DHRSX: variants seen among roughly 807,000 people sequenced by gnomAD.
The protein encoded by DHRSX is polyprenol dehydrogenase.
Under a neutral mutation model 34.0 loss-of-function variants are expected in DHRSX, and 31 were observed. The ratio of observed to expected loss-of-function variants is 0.91; its 90% CI spans 0.69 to 1.23. The LOEUF is 1.23. Ranked by LOEUF, DHRSX falls within the 50% of genes most tolerant of loss-of-function variation. The pLI, the probability that DHRSX is intolerant of heterozygous loss-of-function variation, is 0.00. For missense variants in DHRSX, 414 were observed against 428.1 expected (o/e 0.97, Z 0.29); for synonymous variants, 201 against 183.8 (o/e 1.09, Z -0.76).
chrX:2,425,083 T>A, intron 2 of DHRSX, 114 bp downstream of exon 2: 1 of 774,036 alleles, frequency 1.3e-6, no homozygotes. Flanking sequence ...GAGGCTGCAG[T>A]GAGCCAAGAT....
chrX:2,270,577 G>A (rs2041537280), intron 4 of DHRSX, among the ~76,000 whole-genome samples: 1 of 152,164 alleles, frequency 6.6e-6, no homozygotes, highest in African/African-American at 2.4e-5. Context: ...GGCTCTACAC[G>A]TCCCTGGCCC....
chrX:2,243,118 C>A lies in DHRSX; in HGVS notation c.709G>T (p.Val237Leu). Residue 237 changes from valine to leucine, a missense_variant, in exon 6 of 7, where the codon GTG (valine) becomes TTG (leucine). By Grantham distance (32) the Val-to-Leu change is conservative. Coordinates refer to ENST00000334651, the MANE Select transcript of DHRSX (RefSeq NM_145177.3). ...GTGTTGACCACCCCGGGGTCCACCA[C>A]GTTGGCGGTCACGTGGCTTCCCTCA... The part of the protein sequence containing the change: ...AAEGSHVTAN[V>L]VDPGVVNTDV... The A allele has an allele frequency of 6.2e-7, 1 of 1,613,924 alleles. No individual in the cohort carries two copies. The highest frequency in any genetic ancestry group is 8.5e-7 in the Non-Finnish European group (1 of 1,179,866).
intron 5 of DHRSX, among the ~76,000 whole-genome samples, chrX:2,244,702 T>A (rs1297529418): frequency 1.3e-5 from 2 of 150,670 alleles, no homozygotes; most frequent in African/African-American, 4.9e-5. Context: ...TATATATTTT[T>A]AAATTTTATT....
At position 2,408,701 on chromosome X, in the gene DHRSX, GAA is replaced by G. The variant is rs112731156; in HGVS notation, c.286+42_286+43del. The G allele has an allele frequency of 2.1e-5, 28 of 1,342,884 alleles. 2 individuals carry two copies. In the South Asian group the frequency reaches 3.3e-4, roughly 16 times the overall value. The allele number at this position is 1,342,884 out of a possible 1,614,324, so 83.2% of individuals were successfully genotyped here. A position where few individuals can be genotyped will look rare whatever the true frequency, so the allele number is the denominator to read the frequency against. On this transcript the variant is annotated intron_variant, in intron 3 of 6. Transcript: ENST00000334651. The stretch of plus-strand genomic sequence containing the variant: ...AACCACGCAAACGACCTGTCCCAAG[GAA>G]AAAAAAAAACAAAAAAAAGCCATTG...
intron 2 of DHRSX, among the ~76,000 whole-genome samples, chrX:2,416,545 T>G (rs975028096): frequency 1.3e-5 from 2 of 152,202 alleles, no homozygotes; most frequent in African/African-American, 4.8e-5. Context: ...TTTTAAGTAT[T>G]ACCTATGGGT....
intron 3 of DHRSX, among the ~76,000 whole-genome samples, chrX:2,307,207 A>C (rs1272558449): frequency 1.3e-5 from 2 of 152,204 alleles, no homozygotes; most frequent in African/African-American, 2.4e-5. Context: ...GAATTAACAC[A>C]GAAACGGAAA....
At chrX:2,306,857 G>T (rs776244185) in intron 3 of DHRSX, among the ~76,000 whole-genome samples, 7 of 151,388 alleles carry the variant, frequency 4.6e-5, no homozygotes, top group Admixed American at 4.6e-4. Flanking sequence ...AATCGTTTCA[G>T]TCAGATTGGA....
chrX:2,384,097 T>C (rs962019536), intron 3 of DHRSX, among the ~76,000 whole-genome samples: 1 of 152,104 alleles, frequency 6.6e-6, no homozygotes, highest in Non-Finnish European at 1.5e-5. Flanking sequence ...TGACCTGCTG[T>C]AGGGAGTGAT....
intron 1 of DHRSX, among the ~76,000 whole-genome samples, chrX:2,499,406 A>T (rs1345082516): frequency 6.6e-6 from 1 of 150,976 alleles, no homozygotes; most frequent in African/African-American, 2.4e-5. Context: ...AGTATCATTT[A>T]ACCTAACATG....
At chrX:2,412,244 G>C (rs1170574939) in intron 2 of DHRSX, among the ~76,000 whole-genome samples, 1 of 152,146 alleles carries the variant, frequency 6.6e-6, no homozygotes, top group Non-Finnish European at 1.5e-5. Context: ...ATGGAAATTG[G>C]TATAGCCATT....
chrX:2,379,611 T>G lies in DHRSX; in HGVS notation c.286+29134A>C, dbSNP rs568525721. 8.9e-3 allele frequency among the ~76,000 whole-genome samples: 1,330 copies of G among 150,106 alleles called. 38 individuals are homozygous for G. The East Asian group carries it at 0.09, about 10-fold the overall frequency. On this transcript the variant is annotated intron_variant, in intron 3 of 6. Transcript: ENST00000334651. ...GCAGTGGAGGTTTTTTTTTTTTTTTTTTTTTTTTAATGATGCTGCTGTTTC... is the reference window on the plus strand; with the variant it reads ...GCAGTGGAGGTTTTTTTTTTTTTTTGTTTTTTTTAATGATGCTGCTGTTTC...
chrX:2,382,612 TCATCACCAC>T (rs2043217839), intron 3 of DHRSX, among the ~76,000 whole-genome samples: 1 of 50,148 alleles, frequency 2.0e-5, no homozygotes, highest in African/African-American at 7.2e-5. Flanking sequence ...ACCATCACCA[TCATCACCAC>T]CATCATCACC....
At chrX:2,399,418 A>C (rs1192900328) in intron 3 of DHRSX, among the ~76,000 whole-genome samples, 2 of 151,714 alleles carry the variant, frequency 1.3e-5, no homozygotes, top group Non-Finnish European at 2.9e-5. Context: ...AAAAAAAAAA[A>C]AACACAGGCC....
rs181648157 is a variant in DHRSX, at chrX:2,253,128, C to T, written c.597-9898G>A. Among the ~76,000 whole-genome samples the T allele has an allele frequency of 1.9e-3, 288 of 152,352 alleles. 2 individuals carry two copies. The highest frequency in any genetic ancestry group is 6.7e-3 in the African/African-American group (280 of 41,594). On this transcript the variant is annotated intron_variant, in intron 5 of 6. Coordinates refer to ENST00000334651, the MANE Select transcript of DHRSX (RefSeq NM_145177.3). ...ATTTGAGCCTGGGAGGCGCACATGG[C>T]AGCAAGCCAAGATAGCGTCACTGCA...
rs1274133169 is a variant in DHRSX, at chrX:2,220,368, T to C, written c.*673A>G. The C allele has an allele frequency of 6.6e-6, 1 of 152,196 alleles. No individual in the cohort carries two copies. Among genetic ancestry groups the C allele is most frequent in the Non-Finnish European group, 1.5e-5 (1 of 68,058 alleles). The allele number at this position is 152,196 out of a possible 1,614,324, so 9.4% of individuals were successfully genotyped here. A position where few individuals can be genotyped will look rare whatever the true frequency, so the allele number is the denominator to read the frequency against. ...AAAGATTCTTTTCCAAATAAAGTAA[T>C]ATTTATAGGTTCTGAGGGTTAGGGC... On this transcript the variant is annotated 3_prime_UTR_variant, in exon 7 of 7. Coordinates refer to ENST00000334651, the MANE Select transcript of DHRSX (RefSeq NM_145177.3).
chrX:2,402,173 C>A (rs923550586), intron 3 of DHRSX, among the ~76,000 whole-genome samples: 15 of 152,184 alleles, frequency 9.9e-5, no homozygotes, highest in Non-Finnish European at 1.8e-4. Flanking sequence ...GGAGTCAGGA[C>A]GTGAGCCGAC....
chrX:2,270,292 A>G (rs900379937), intron 4 of DHRSX, among the ~76,000 whole-genome samples: 3 of 152,156 alleles, frequency 2.0e-5, no homozygotes, highest in African/African-American at 4.8e-5. Flanking sequence ...CCAAAGAACC[A>G]AGCAGGAGCC....
chrX:2,307,356 G>C (rs1403080018), intron 3 of DHRSX, among the ~76,000 whole-genome samples: 1 of 152,088 alleles, frequency 6.6e-6, no homozygotes, highest in East Asian at 1.9e-4. Flanking sequence ...CTACCTATGA[G>C]GTATTTTGTT....
chrX:2,240,985 AC>A (rs2016129036), intron 6 of DHRSX, among the ~76,000 whole-genome samples: 1 of 152,162 alleles, frequency 6.6e-6, no homozygotes, highest in East Asian at 1.9e-4. Flanking sequence ...GGAGTTCGAG[AC>A]CAGCTTGGCC....
Sources: gnomAD v4.1 joint callset for allele counts (sites outside exome capture counted in the v4.1 genomes callset) on GRCh38, gnomAD v4.1.1 for gene constraint, MANE v1.5 for transcripts, NCBI Gene and HGNC (gene_info 2026-07-23, HGNC 2026-07-21) for gene names.